The following MREG variants were observed in gnomAD, a reference collection of about 807,000 sequenced individuals.
MREG encodes the protein melanoregulin, also known as dilute suppressor protein homolog.
Under a neutral mutation model 28.5 loss-of-function variants are expected in MREG, and 31 were observed. The ratio of observed to expected loss-of-function variants is 1.09; its 90% CI spans 0.82 to 1.47. MREG has a LOEUF of 1.47. Ranked by LOEUF, MREG falls within the 40% of genes most tolerant of loss-of-function variation. The probability of loss-of-function intolerance (pLI) is 0.00; values close to 1 mark genes in which losing one functional copy is unlikely to be tolerated. For synonymous variants in MREG, 106 were observed against 95.2 expected, an observed-to-expected ratio of 1.11 and a Z score of -0.66; for missense variants, 256 against 257.4, an observed-to-expected ratio of 0.99 and a Z score of 0.04.
rs1306276548 is a variant in MREG, at chr2:215,945,750, G to T, written c.347-16C>A. ...TTTTGAAAACCTAAGGTAGAAAAAT[G>T]GACCACTCATGTAAAGTAGTCCCAA... On this transcript the variant is annotated splice_polypyrimidine_tract_variant and intron_variant, in intron 3 of 4. Transcript: ENST00000263268. The T allele has an allele frequency of 6.2e-7, 1 of 1,608,754 alleles. No individual in the cohort carries two copies. The highest frequency in any genetic ancestry group is 2.2e-5 in the East Asian group (1 of 44,780).
downstream of MREG, chr2:215,941,860 T>A (rs575556058): frequency 1.8e-4 from 28 of 152,368 alleles, no homozygotes; most frequent in Non-Finnish European, 3.4e-4. Flanking sequence ...ATTGTGATAA[T>A]TGTATCCATT....
chr2:215,954,447 C>CAA (rs199662519), intron 2 of MREG, among the ~76,000 whole-genome samples: 1,702 of 143,214 alleles, frequency 0.012, 46 homozygotes, highest in African/African-American at 0.038. Context: ...CTGTGTACAA[C>CAA]ACACACACAC....
intron 3 of MREG, among the ~76,000 whole-genome samples, 200 bp from the exon 4 acceptor site, chr2:215,945,934 C>CT (rs1692308187): frequency 6.6e-6 from 1 of 152,148 alleles, no homozygotes; most frequent in African/African-American, 2.4e-5. Flanking sequence ...AATTACAATT[C>CT]TTTCGGTATT....
At chr2:216,031,647 A>AAAGAAAG (rs1694703451) in intron 1 of MREG, among the ~76,000 whole-genome samples, 4 of 97,990 alleles carry the variant, frequency 4.1e-5, no homozygotes, top group Non-Finnish European at 2.1e-5. Context: ...AAGGAAGAAG[A>AAAGAAAG]AAAGAAAGAA....
intron 1 of MREG, among the ~76,000 whole-genome samples, chr2:216,003,062 C>T (rs896596907): frequency 6.6e-6 from 1 of 151,924 alleles, no homozygotes; most frequent in African/African-American, 2.4e-5. Context: ...CATGTCTTAT[C>T]CCCAAGTTTA....
chr2:216,032,599 A>T (rs560569810), intron 1 of MREG, among the ~76,000 whole-genome samples: 24 of 152,250 alleles, frequency 1.6e-4, no homozygotes, highest in Admixed American at 1.4e-3. Flanking sequence ...CATATATTCT[A>T]TTTGGGACCT....
At chr2:215,953,030 G>A (rs1328154178) in intron 2 of MREG, among the ~76,000 whole-genome samples, 1 of 152,148 alleles carries the variant, frequency 6.6e-6, no homozygotes, top group African/African-American at 2.4e-5. Flanking sequence ...AAGTGAGGAA[G>A]CAGATTATCA....
chr2:215,947,473 T>C (rs1285645052), intron 2 of MREG, among the ~76,000 whole-genome samples: 4 of 152,330 alleles, frequency 2.6e-5, no homozygotes, highest in African/African-American at 9.6e-5. Flanking sequence ...GTACAATATC[T>C]GCACACAGTG....
At chr2:216,030,909 A>G (rs1244141040) in intron 1 of MREG, among the ~76,000 whole-genome samples, 1 of 144,940 alleles carries the variant, frequency 6.9e-6, no homozygotes, top group East Asian at 2.0e-4. Flanking sequence ...TGAACACACA[A>G]GCCCACTATG....
chr2:215,940,807 T>C (rs1692188315), downstream of MREG, among the ~76,000 whole-genome samples: 1 of 152,126 alleles, frequency 6.6e-6, no homozygotes, highest in Non-Finnish European at 1.5e-5. Flanking sequence ...GCCAACCTAA[T>C]AGGGAACTCT....
At chr2:215,988,660 C>G (rs1693645294) in intron 2 of MREG, among the ~76,000 whole-genome samples, 1 of 152,218 alleles carries the variant, frequency 6.6e-6, no homozygotes. Context: ...TTCTCGCTGC[C>G]AGCACAGCAG....
At chr2:215,987,709 C>T (rs1016862626) in intron 2 of MREG, among the ~76,000 whole-genome samples, 6 of 152,022 alleles carry the variant, frequency 3.9e-5, no homozygotes, top group African/African-American at 9.7e-5. Context: ...GGTGAAACCC[C>T]GTCTCCACTA....
intron 2 of MREG, among the ~76,000 whole-genome samples, chr2:215,949,710 T>C (rs1437277532): frequency 6.6e-6 from 1 of 152,238 alleles, no homozygotes; most frequent in African/African-American, 2.4e-5. Context: ...TTATCTTTCC[T>C]AAAAATTATT....
exon 1 of MREG, chr2:216,032,795 T>G (rs1230498361): frequency 6.6e-6 from 1 of 152,252 alleles, no homozygotes; most frequent in Non-Finnish European, 1.5e-5. Flanking sequence ...ATACCTTTCT[T>G]GAATACGGTT....
At chr2:215,991,512 G>T (rs1693719434) in intron 2 of MREG, among the ~76,000 whole-genome samples, 1 of 151,884 alleles carries the variant, frequency 6.6e-6, no homozygotes, top group South Asian at 2.1e-4. Flanking sequence ...AAATTCAAAA[G>T]CTAGCAGAGG....
chr2:215,981,347 G>A (rs1236689123), intron 2 of MREG, among the ~76,000 whole-genome samples: 1 of 152,184 alleles, frequency 6.6e-6, no homozygotes, highest in African/African-American at 2.4e-5. Flanking sequence ...AAATGCTGAC[G>A]GCTGCTGCAG....
At chr2:216,009,738 G>A (rs1419097729) in intron 1 of MREG, among the ~76,000 whole-genome samples, 2 of 152,076 alleles carry the variant, frequency 1.3e-5, no homozygotes, top group Non-Finnish European at 2.9e-5. Context: ...GGTTCACCAT[G>A]TTGGCCAGCC....
rs928408666 is a variant in MREG at position 215,943,634 on chromosome 2, G to A, written c.*1229C>T. ...GGGCAGGCGGATGACGAGGTCAGGA[G>A]ATCGAGACCATCGTGGCTAACATGG... On this transcript the variant is annotated 3_prime_UTR_variant, in exon 5 of 5. Coordinates refer to ENST00000263268, the MANE Select transcript of MREG (RefSeq NM_018000.3). 2 of 377,506 alleles carry A rather than the reference G, an allele frequency of 5.3e-6. No homozygotes were observed. The highest frequency in any genetic ancestry group is 5.2e-6 in the Non-Finnish European group (1 of 190,742). The allele number at this position is 377,506 out of a possible 1,614,324, so 23.4% of individuals were successfully genotyped here.
Position 215,944,795 on chromosome 2 carries a change from A to C in MREG, c.*68T>G. 1.4e-6 allele frequency: 2 copies of C among 1,467,504 alleles called. No individual in the cohort carries two copies. The highest frequency in any genetic ancestry group is 1.4e-5 in the South Asian group (1 of 71,170). 90.9% of individuals were successfully genotyped at this position (1,467,504 alleles called of 1,614,324 possible). A position where few individuals can be genotyped will look rare whatever the true frequency, so the allele number is the denominator to read the frequency against. ...ATTTGCTCACTCTCTTCTACATGTA[A>C]TTGTCCAACTTTGGTTGACTGCTGA... On this transcript the variant is annotated 3_prime_UTR_variant, in exon 5 of 5. Coordinates refer to ENST00000263268, the MANE Select transcript of MREG (RefSeq NM_018000.3).
Sources: gnomAD v4.1 joint callset for allele counts (sites outside exome capture counted in the v4.1 genomes callset) on GRCh38, gnomAD v4.1.1 for gene constraint, MANE v1.5 for transcripts, NCBI Gene and HGNC (gene_info 2026-07-23, HGNC 2026-07-21) for gene names.